DLG2: variants seen among roughly 807,000 people sequenced by gnomAD.
DLG2 encodes disks large homolog 2.
DLG2 carries 45 observed loss-of-function variants against 132.5 expected under a neutral mutation model. The ratio of observed to expected loss-of-function variants is 0.34; its 90% CI spans 0.27 to 0.44. The LOEUF (loss-of-function observed/expected upper bound fraction) is 0.44, where lower values mean the gene tolerates loss of function less well. Among genes scored for constraint, DLG2 ranks in the 20% least tolerant of loss-of-function variants. DLG2 has a pLI of 1.00. For missense variants in DLG2, 1,045 were observed against 1,196.9 expected (o/e 0.87, Z 1.87); for synonymous variants, 424 against 419.6 (o/e 1.01, Z -0.13).
At chr11:83,868,872 A>G (rs1444926147) in intron 16 of DLG2, among the ~76,000 whole-genome samples, 2 of 152,216 alleles carry the variant, frequency 1.3e-5, no homozygotes, top group South Asian at 4.1e-4. Flanking sequence ...CACACTGATT[A>G]CAAATCCTGA....
chr11:83,744,167 G>T (rs1250880745), intron 18 of DLG2, among the ~76,000 whole-genome samples: 1 of 152,152 alleles, frequency 6.6e-6, no homozygotes, highest in East Asian at 1.9e-4. Context: ...TAATATAACT[G>T]CTTTCTAATC....
chr11:85,287,192 A>T (rs1172041480), intron 3 of DLG2, among the ~76,000 whole-genome samples: 1 of 152,134 alleles, frequency 6.6e-6, no homozygotes, highest in Non-Finnish European at 1.5e-5. Flanking sequence ...TGTATCAATT[A>T]TGCATAAAAT....
intron 11 of DLG2, among the ~76,000 whole-genome samples, chr11:84,025,191 T>A (rs1202108621): frequency 1.3e-5 from 2 of 152,102 alleles, no homozygotes; most frequent in Non-Finnish European, 2.9e-5. Flanking sequence ...GAAAATGGTT[T>A]AATGGACTCA....
chr11:83,576,777 G>A (rs2096880386), intron 19 of DLG2, among the ~76,000 whole-genome samples: 1 of 152,208 alleles, frequency 6.6e-6, no homozygotes, highest in Non-Finnish European at 1.5e-5. Flanking sequence ...TAAAGAAGTA[G>A]TGAAGGAAGT....
intron 6 of DLG2, among the ~76,000 whole-genome samples, chr11:84,658,010 C>G (rs2099690257): frequency 6.6e-6 from 1 of 152,160 alleles, no homozygotes; most frequent in African/African-American, 2.4e-5. Context: ...GTATAGCAAT[C>G]TGACTTATTT....
intron 18 of DLG2, among the ~76,000 whole-genome samples, chr11:83,666,554 A>G (rs1379476548): frequency 6.6e-6 from 1 of 151,838 alleles, no homozygotes; most frequent in Non-Finnish European, 1.5e-5. Flanking sequence ...CCCCTTACCC[A>G]CCCCATCCGT....
At chr11:84,753,691 C>T (rs185332530) in intron 6 of DLG2, among the ~76,000 whole-genome samples, 168 of 152,180 alleles carry the variant, frequency 1.1e-3, no homozygotes, top group African/African-American at 3.9e-3. Context: ...GTTATAAGAA[C>T]GTGTAACTTA....
chr11:85,470,756 G>A (rs549855921), intron 3 of DLG2, among the ~76,000 whole-genome samples: 1 of 152,124 alleles, frequency 6.6e-6, no homozygotes, highest in African/African-American at 2.4e-5. Context: ...ATATTTTCAT[G>A]TTACTAGATG....
At chr11:83,746,984 C>T (rs933514230) in intron 18 of DLG2, among the ~76,000 whole-genome samples, 10 of 152,042 alleles carry the variant, frequency 6.6e-5, no homozygotes, top group African/African-American at 1.7e-4. Flanking sequence ...TGTATGAATG[C>T]GTCAATACCA....
intron 8 of DLG2, among the ~76,000 whole-genome samples, chr11:84,195,833 G>A (rs1259142732): frequency 6.6e-6 from 1 of 152,098 alleles, no homozygotes; most frequent in Non-Finnish European, 1.5e-5. Flanking sequence ...AATAAATTAT[G>A]TGTGTGTTTG....
chr11:83,598,261 G>A (rs1406442751), intron 19 of DLG2, among the ~76,000 whole-genome samples: 1 of 152,218 alleles, frequency 6.6e-6, no homozygotes, highest in Non-Finnish European at 1.5e-5. Flanking sequence ...CTCTTTGGCT[G>A]TTCTTTCAGA....
chr11:84,557,683 T>A (rs944010814), intron 6 of DLG2, among the ~76,000 whole-genome samples: 3 of 151,956 alleles, frequency 2.0e-5, no homozygotes, highest in African/African-American at 7.3e-5. Context: ...CTGAGAGAGA[T>A]ATTTGGGCTT....
At chr11:85,148,926 T>C (rs535483239) in intron 5 of DLG2, among the ~76,000 whole-genome samples, 1 of 152,224 alleles carries the variant, frequency 6.6e-6, no homozygotes, top group Non-Finnish European at 1.5e-5. Context: ...AATTTTTGTA[T>C]AAAGTATAAG....
intron 3 of DLG2, among the ~76,000 whole-genome samples, chr11:85,330,792 T>TAAAA (rs56995757): frequency 9.4e-5 from 11 of 116,478 alleles, no homozygotes; most frequent in African/African-American, 1.2e-4. Flanking sequence ...AAAAAAAAAT[T>TAAAA]AAAAAAAAAA....
At chr11:85,052,219 C>A (rs538308737) in intron 6 of DLG2, among the ~76,000 whole-genome samples, 12 of 152,078 alleles carry the variant, frequency 7.9e-5, no homozygotes, top group Admixed American at 7.2e-4. Context: ...AAAAATCAGA[C>A]GAGCATGGGA....
chr11:83,868,703 G>A (rs997962028), intron 16 of DLG2, among the ~76,000 whole-genome samples: 5 of 151,324 alleles, frequency 3.3e-5, no homozygotes, highest in Admixed American at 6.6e-5. Flanking sequence ...TTCGACCAGC[G>A]ACCCTAGCAA....
intron 15 of DLG2, among the ~76,000 whole-genome samples, chr11:83,886,087 C>T (rs2067780967): frequency 6.6e-6 from 1 of 152,144 alleles, no homozygotes; most frequent in Non-Finnish European, 1.5e-5. Flanking sequence ...GGATCAAATT[C>T]ACACATAACA....
chr11:84,883,941 TG>T (rs71036448), intron 6 of DLG2, among the ~76,000 whole-genome samples: 9,935 of 152,126 alleles, frequency 0.065, 473 homozygotes, highest in Non-Finnish European at 0.098. Flanking sequence ...AACAGAAACA[TG>T]GGTCCCATGA....
At chr11:85,211,581 T>G (rs1490385553) in intron 4 of DLG2, among the ~76,000 whole-genome samples, 2 of 152,086 alleles carry the variant, frequency 1.3e-5, no homozygotes, top group Non-Finnish European at 2.9e-5. Flanking sequence ...CTGCTCAAGA[T>G]TACACTGATT....
Sources: gnomAD v4.1 joint callset for allele counts (sites outside exome capture counted in the v4.1 genomes callset) on GRCh38, gnomAD v4.1.1 for gene constraint, MANE v1.5 for transcripts, NCBI Gene and HGNC (gene_info 2026-07-23, HGNC 2026-07-21) for gene names.